The following DIP2B variants were observed in gnomAD, a reference collection of about 807,000 sequenced individuals.
The protein encoded by DIP2B is disco-interacting protein 2 homolog B.
A neutral mutation model predicts 198.0 loss-of-function variants in DIP2B; 76 were observed. The observed-to-expected ratio is 0.38, with a 90% CI of 0.32 to 0.46. DIP2B has a LOEUF of 0.46. Ranked by LOEUF, DIP2B falls within the 20% of genes least tolerant of loss-of-function variation. The pLI, the probability that DIP2B is intolerant of heterozygous loss-of-function variation, is 0.99. For missense variants in DIP2B, 1,559 were observed against 1,978.4 expected (o/e 0.79, Z 4.02); for synonymous variants, 701 against 739.1 (o/e 0.95, Z 0.84).
chr12:50,696,068 CTCATT>C, intron 16 of DIP2B, 101 bp downstream of exon 16: 2 of 1,520,794 alleles, frequency 1.3e-6, no homozygotes, highest in South Asian at 2.5e-5. Flanking sequence ...GAAAAACTCA[CTCATT>C]TAAGATGTGT....
chr12:50,664,830 G>GTTTTTTTTTTTTTTTTTTTTTTTT lies in DIP2B; in HGVS notation c.427+4516_427+4517insTTTTTTTTTTTTTTTTTTTTTTTT, dbSNP rs1205734576. Among the ~76,000 whole-genome samples, 2 of 99,686 alleles carry GTTTTTTTTTTTTTTTTTTTTTTTT rather than the reference G, an allele frequency of 2.0e-5. 1 individual carries two copies. The highest frequency in any genetic ancestry group is 8.3e-5 in the African/African-American group (2 of 23,964). 65.4% of individuals were successfully genotyped at this position (99,686 alleles called of 152,430 possible). ...CAAGGAGAATTTCCCTCCTTTTTTG[G>GTTTTTTTTTTTTTTTTTTTTTTTT]TTTTTGTTTTTTTTTTTTTTTTTTT... On this transcript the variant is annotated intron_variant, in intron 4 of 37. Coordinates refer to ENST00000301180, the MANE Select transcript of DIP2B (RefSeq NM_173602.3).
At chr12:50,692,570 G>A (rs141112337) in intron 13 of DIP2B, among the ~76,000 whole-genome samples, 2 of 152,232 alleles carry the variant, frequency 1.3e-5, no homozygotes, top group African/African-American at 4.8e-5. Context: ...GGGCGCTGTG[G>A]CTTATGTCTG....
intron 9 of DIP2B, among the ~76,000 whole-genome samples, chr12:50,681,225 G>C (rs1939034715): frequency 6.6e-6 from 1 of 152,062 alleles, no homozygotes; most frequent in African/African-American, 2.4e-5. Context: ...GAAGCCAGGA[G>C]TTTTAGACCA....
At position 50,505,230 on chromosome 12, in the gene DIP2B, G is replaced by A; in HGVS notation, c.90G>A (p.Glu30=). ...CGCAGCTGGCGGAGCTGGAGCTGGA[G>A]CTCTCGGAGGGTAGGAGCCGGGCCG... ...VRAQLAELEL[E]LSEGDITQKG... The change falls in exon 1 of 38, where the codon GAG becomes GAA. Residue 30 remains glutamate (E), a synonymous_variant. Coordinates refer to ENST00000301180, the MANE Select transcript of DIP2B (RefSeq NM_173602.3). 1.3e-6 allele frequency: 2 copies of A among 1,517,062 alleles called. No homozygotes were observed. Among genetic ancestry groups the A allele is most frequent in the South Asian group, 1.2e-5 (1 of 82,822 alleles). 94.0% of individuals were successfully genotyped at this position (1,517,062 alleles called of 1,614,324 possible). A position where few individuals can be genotyped will look rare whatever the true frequency, so the allele number is the denominator to read the frequency against.
At chr12:50,532,255 C>T (rs1034884908) in intron 1 of DIP2B, among the ~76,000 whole-genome samples, 2 of 152,152 alleles carry the variant, frequency 1.3e-5, no homozygotes, top group African/African-American at 4.8e-5. Flanking sequence ...TGGCTCATGC[C>T]TGTAATCCCA....
intron 1 of DIP2B, among the ~76,000 whole-genome samples, chr12:50,562,162 A>G (rs1312857478): frequency 6.6e-6 from 1 of 152,182 alleles, no homozygotes; most frequent in Non-Finnish European, 1.5e-5. Context: ...GAATACAAAG[A>G]GGTGGAGAAG....
chr12:50,590,205 C>T (rs1958807234), intron 1 of DIP2B, among the ~76,000 whole-genome samples: 1 of 151,816 alleles, frequency 6.6e-6, no homozygotes, highest in Non-Finnish European at 1.5e-5. Flanking sequence ...CACTATGTTG[C>T]CCAGGCTGAT....
At chr12:50,654,057 A>G (rs1254019725) in intron 3 of DIP2B, among the ~76,000 whole-genome samples, 2 of 151,924 alleles carry the variant, frequency 1.3e-5, no homozygotes, top group East Asian at 2.0e-4. Context: ...TATTTTTAGT[A>G]GAGACGGGGT....
intron 4 of DIP2B, among the ~76,000 whole-genome samples, chr12:50,662,052 T>C (rs1938658206): frequency 6.6e-6 from 1 of 152,234 alleles, no homozygotes; most frequent in Non-Finnish European, 1.5e-5. Flanking sequence ...AAATTAACTA[T>C]AGGCCTCTGT....
In DIP2B at chr12:50,714,545, T is replaced by G. The variant is rs1348537574; in HGVS notation, c.2800T>G (p.Cys934Gly). The change falls in exon 23 of 38, where the codon TGC (cysteine) becomes GGC (glycine). Residue 934 changes from cysteine (C) to glycine (G), a missense_variant. Physicochemically the swap from Cys to Gly is radical, Grantham distance 159. Transcript: ENST00000301180. ...GSLHPCNILMCPHTCVTNLPK... is the reference protein window; with the variant it reads ...GSLHPCNILMGPHTCVTNLPK... The stretch of plus-strand genomic sequence containing the variant: ...ACTGCATCCTTGCAACATCCTCATG[T>G]GCCCCCATACATGTGTGACAAACTT... 3 of 1,614,056 alleles carry G rather than the reference T, an allele frequency of 1.9e-6. No individual in the cohort carries two copies. The African/African-American group carries it at 4.0e-5, about 22-fold the overall frequency.
chr12:50,567,415 G>A (rs1159491982), intron 1 of DIP2B, among the ~76,000 whole-genome samples: 1 of 152,130 alleles, frequency 6.6e-6, no homozygotes, highest in Non-Finnish European at 1.5e-5. Flanking sequence ...CTACAGAACT[G>A]TACATCATCC....
intron 1 of DIP2B, among the ~76,000 whole-genome samples, chr12:50,587,338 C>T (rs1958779946): frequency 6.6e-6 from 1 of 152,162 alleles, no homozygotes; most frequent in Non-Finnish European, 1.5e-5. Flanking sequence ...TTTAGACCAC[C>T]CTCTTGTTTT....
At chr12:50,724,933 A>C in intron 28 of DIP2B, 47 bp downstream of exon 28, 1 of 1,542,304 alleles carries the variant, frequency 6.5e-7, no homozygotes, top group Non-Finnish European at 9.0e-7. Flanking sequence ...AGAGCTCACA[A>C]TACCTGAGAT....
intron 3 of DIP2B, among the ~76,000 whole-genome samples, chr12:50,642,869 A>C (rs1006770935): frequency 2.0e-5 from 3 of 152,186 alleles, no homozygotes; most frequent in Non-Finnish European, 4.4e-5. Context: ...CAAAGCATTC[A>C]GGTGCACCCC....
At chr12:50,724,981 T>G in intron 28 of DIP2B, 95 bp downstream of exon 28, 2 of 1,260,392 alleles carry the variant, frequency 1.6e-6, no homozygotes, top group Admixed American at 3.8e-5. Context: ...TACCCTGCCT[T>G]TATGTCTTCT....
intron 1 of DIP2B, among the ~76,000 whole-genome samples, chr12:50,621,342 C>T (rs1411593659): frequency 6.6e-6 from 1 of 152,170 alleles, no homozygotes; most frequent in African/African-American, 2.4e-5. Context: ...TTTTGTTCAC[C>T]TTTAAGATCT....
chr12:50,595,212 C>T (rs1004713643), intron 1 of DIP2B, among the ~76,000 whole-genome samples: 5 of 152,186 alleles, frequency 3.3e-5, no homozygotes, highest in South Asian at 2.1e-4. Context: ...GCAAGCTAGT[C>T]GTGCACACAG....
intron 23 of DIP2B, among the ~76,000 whole-genome samples, chr12:50,715,865 G>A: frequency 6.6e-6 from 1 of 152,314 alleles, no homozygotes; most frequent in East Asian, 1.9e-4. Flanking sequence ...TACTGGAATT[G>A]ATAACTAGCA....
At chr12:50,673,201 T>A (rs1357055846) in intron 5 of DIP2B, among the ~76,000 whole-genome samples, 2 of 152,224 alleles carry the variant, frequency 1.3e-5, no homozygotes, top group African/African-American at 4.8e-5. Flanking sequence ...TATTTAAAAT[T>A]TTAAAAACTA....
Sources: gnomAD v4.1 joint callset for allele counts (sites outside exome capture counted in the v4.1 genomes callset) on GRCh38, gnomAD v4.1.1 for gene constraint, MANE v1.5 for transcripts, NCBI Gene and HGNC (gene_info 2026-07-23, HGNC 2026-07-21) for gene names.